SLC36A4: variants seen among roughly 807,000 people sequenced by gnomAD.
The protein encoded by SLC36A4 is neutral amino acid uniporter 4.
Under a neutral mutation model 50.5 loss-of-function variants are expected in SLC36A4, and 49 were observed. The ratio of observed to expected loss-of-function variants is 0.97; its 90% CI spans 0.77 to 1.23. The LOEUF is 1.23. SLC36A4 is among the 50% of genes most tolerant of loss of function. SLC36A4 has a pLI of 0.00. For missense variants in SLC36A4, 611 were observed against 608.4 expected (o/e 1.00, Z -0.05); for synonymous variants, 207 against 206.5 (o/e 1.00, Z -0.02).
chr11:93,196,841 C>G (rs1377089668), intron 1 of SLC36A4, among the ~76,000 whole-genome samples: 1 of 152,220 alleles, frequency 6.6e-6, no homozygotes, highest in South Asian at 2.1e-4. Context: ...AAATGGAAAT[C>G]ATGATAGCAC....
At chr11:93,173,476 T>G (rs1309512032) in intron 6 of SLC36A4, among the ~76,000 whole-genome samples, 5 of 149,916 alleles carry the variant, frequency 3.3e-5, no homozygotes, top group African/African-American at 1.2e-4. Context: ...CAATTTTGTC[T>G]TTTGTTGCCA....
In SLC36A4 at chr11:93,148,684, T is replaced by C. The variant is rs768483083; in HGVS notation, c.1368A>G (p.Ile456Met). 1 of 1,612,896 alleles carries C rather than the reference T, an allele frequency of 6.2e-7. No individual in the cohort carries two copies. The highest frequency in any genetic ancestry group is 8.5e-7 in the Non-Finnish European group (1 of 1,179,322). ...NIWMVLKNIS[I>M]AFTGVVGFLL... is the part of the protein sequence containing the mutation. ...AGAAGCCAACAACTCCAGTGAATGC[T>C]ATAGAAATATTTTTCAGGACCATCC... is the stretch of plus-strand genomic sequence containing the variant. Residue 456 changes from isoleucine (I) to methionine (M), a missense_variant, in exon 11 of 11, where the codon ATA (isoleucine) becomes ATG (methionine). Physicochemically the swap from Ile to Met is conservative, Grantham distance 10. Coordinates refer to ENST00000326402, the MANE Select transcript of SLC36A4 (RefSeq NM_152313.4).
At chr11:93,185,891 T>C in intron 1 of SLC36A4, 77 bp from the exon 2 acceptor site, 1 of 1,324,824 alleles carries the variant, frequency 7.5e-7, no homozygotes, top group South Asian at 1.5e-5. Context: ...AATTTCAAAA[T>C]ATTAGGAAAC....
intron 6 of SLC36A4, among the ~76,000 whole-genome samples, chr11:93,177,279 G>A (rs539918271): frequency 2.6e-5 from 4 of 152,202 alleles, no homozygotes; most frequent in South Asian, 4.1e-4. Flanking sequence ...TAGTTCCCAT[G>A]CCATGGTTTT....
intron 4 of SLC36A4, among the ~76,000 whole-genome samples, 190 bp from the exon 5 acceptor site, chr11:93,181,976 A>G (rs184333500): frequency 4.6e-5 from 7 of 152,258 alleles, no homozygotes; most frequent in Admixed American, 3.9e-4. Flanking sequence ...TAAATGTTTA[A>G]ATCTGTCCTT....
chr11:93,166,141 T>C (rs1047390425), intron 7 of SLC36A4, 125 bp from the exon 8 acceptor site: 4 of 1,256,852 alleles, frequency 3.2e-6, no homozygotes, highest in South Asian at 2.0e-5. Context: ...AATTGAATAA[T>C]TGTTTCAACA....
At chr11:93,157,798 A>G (rs1339309864) in intron 9 of SLC36A4, among the ~76,000 whole-genome samples, 2 of 152,316 alleles carry the variant, frequency 1.3e-5, no homozygotes, top group East Asian at 1.9e-4. Context: ...ATATAGGATC[A>G]TGTCATCTGA....
intron 1 of SLC36A4, among the ~76,000 whole-genome samples, chr11:93,193,699 G>A (rs1226267553): frequency 1.3e-5 from 2 of 151,988 alleles, no homozygotes; most frequent in Non-Finnish European, 2.9e-5. Flanking sequence ...TATTTGCCAA[G>A]AAAATTGTTT....
At chr11:93,149,187 G>A (rs927133549) in intron 10 of SLC36A4, among the ~76,000 whole-genome samples, 1 of 152,032 alleles carries the variant, frequency 6.6e-6, no homozygotes, top group Non-Finnish European at 1.5e-5. Context: ...GCTCAATAAC[G>A]CACAAGACAT....
chr11:93,145,919 T>G lies in SLC36A4; in HGVS notation c.*2618A>C. The G allele has an allele frequency of 6.6e-6, 1 of 152,108 alleles. No individual in the cohort carries two copies. The highest frequency in any genetic ancestry group is 2.4e-5 in the African/African-American group (1 of 41,444). The allele number at this position is 152,108 out of a possible 1,614,324, so 9.4% of individuals were successfully genotyped here. A position where few individuals can be genotyped will look rare whatever the true frequency, so the allele number is the denominator to read the frequency against. ...CCACTGGTTATTTTTGCAAATAAAA[T>G]GCATCATCAAATACCCTTAATAAGA... On this transcript the variant is annotated 3_prime_UTR_variant, in exon 11 of 11. Coordinates refer to ENST00000326402, the MANE Select transcript of SLC36A4 (RefSeq NM_152313.4).
At chr11:93,153,841 T>G (rs1216565482) in intron 10 of SLC36A4, 1 of 185,304 alleles carries the variant, frequency 5.4e-6, no homozygotes, top group African/African-American at 2.3e-5. Flanking sequence ...ATGTACACAT[T>G]ATTTTAATCA....
chr11:93,150,423 T>C (rs11020181), intron 10 of SLC36A4, among the ~76,000 whole-genome samples: 36,105 of 151,934 alleles, frequency 0.24, 5,211 homozygotes, highest in East Asian at 0.32. Context: ...TTCCAGGAGG[T>C]TGTGGGATCA....
At position 93,180,862 on chromosome 11, in the gene SLC36A4, GAAA is replaced by G. The variant is rs750626392; in HGVS notation, c.472_474del (p.Phe158del). The G allele has an allele frequency of 7.4e-6, 12 of 1,612,328 alleles. No individual in the cohort carries two copies. The highest frequency in any genetic ancestry group is 9.3e-6 in the Non-Finnish European group (11 of 1,178,946). The stretch of plus-strand genomic sequence containing the variant: ...CAGAATCCCAGCTGTGTTATCACCA[GAAA>G]AAAGTCAACCACACTCCTGAAAAAA... On this transcript the variant is annotated inframe_deletion, in exon 6 of 11. Transcript: ENST00000326402.
chr11:93,178,296 C>G (rs1861582497), intron 6 of SLC36A4, among the ~76,000 whole-genome samples: 1 of 152,182 alleles, frequency 6.6e-6, no homozygotes, highest in Admixed American at 6.5e-5. Context: ...TACCATCTGT[C>G]ATGGCTTCCC....
chr11:93,183,481 C>T (rs1861829967), intron 3 of SLC36A4, among the ~76,000 whole-genome samples: 2 of 151,964 alleles, frequency 1.3e-5, no homozygotes, highest in Non-Finnish European at 2.9e-5. Flanking sequence ...TTTTTATCAT[C>T]TAAATTAGGG....
In SLC36A4 at chr11:93,148,433, CAG is replaced by C. The variant is rs1439080445; in HGVS notation, c.*102_*103del. The C allele has an allele frequency of 5.0e-6, 5 of 1,006,460 alleles. No homozygotes were observed. The highest frequency in any genetic ancestry group is 4.9e-5 in the African/African-American group (3 of 60,680). 62.3% of individuals were successfully genotyped at this position (1,006,460 alleles called of 1,614,324 possible). ...AATATTAATATCGTGCCAAAGAAAA[CAG>C]AGTTTGTTACCATTTTTATGTATAT... On this transcript the variant is annotated 3_prime_UTR_variant, in exon 11 of 11. Coordinates refer to ENST00000326402, the MANE Select transcript of SLC36A4 (RefSeq NM_152313.4).
At chr11:93,191,445 TA>T (rs1862214773) in intron 1 of SLC36A4, among the ~76,000 whole-genome samples, 1 of 152,232 alleles carries the variant, frequency 6.6e-6, no homozygotes, top group African/African-American at 2.4e-5. Flanking sequence ...ATAAGTTTTC[TA>T]ATCAGTGTTG....
chr11:93,155,049 A>G (rs1458145816), intron 9 of SLC36A4: 3 of 152,134 alleles, frequency 2.0e-5, no homozygotes, highest in African/African-American at 4.8e-5. Flanking sequence ...AAGCCCAGAA[A>G]AAGAAGACTT....
Position 93,149,812 on chromosome 11 carries a change from T to C in SLC36A4, c.1208-968A>G, listed in dbSNP as rs148914152. On this transcript the variant is annotated intron_variant, in intron 10 of 10. Coordinates refer to ENST00000326402, the MANE Select transcript of SLC36A4 (RefSeq NM_152313.4). ...ACTGGCAAGATTATCATAAGGTCTA[T>C]AAAGTAGTTAATAGCATTGTATCCA... Among the ~76,000 whole-genome samples the C allele has an allele frequency of 1.7e-3, 257 of 152,170 alleles. 1 individual carries two copies. Among genetic ancestry groups the C allele is most frequent in the African/African-American group, 6.0e-3 (248 of 41,552 alleles).
Sources: allele counts gnomAD v4.1 joint callset (sites outside exome capture counted in the v4.1 genomes callset), GRCh38; gene constraint gnomAD v4.1.1; transcripts MANE v1.5; gene names NCBI Gene and HGNC (gene_info 2026-07-23, HGNC 2026-07-21).